The following CHN2 variants were observed in gnomAD, a reference collection of about 807,000 sequenced individuals.
CHN2 encodes chimerin 2, also known as beta-chimaerin.
A neutral mutation model predicts 56.3 loss-of-function variants in CHN2; 35 were observed. The ratio of observed to expected loss-of-function variants is 0.62; its 90% CI spans 0.47 to 0.82. CHN2 has a LOEUF of 0.82. Ranked by LOEUF, CHN2 falls within the 40% of genes least tolerant of loss-of-function variation. The pLI, the probability that CHN2 is intolerant of heterozygous loss-of-function variation, is 0.00. For synonymous variants in CHN2, 210 were observed against 212.8 expected, an observed-to-expected ratio of 0.99 and a Z score of 0.12; for missense variants, 491 against 580.5, an observed-to-expected ratio of 0.85 and a Z score of 1.58.
At chr7:29,424,814 C>A (rs1216655567) in intron 6 of CHN2, among the ~76,000 whole-genome samples, 1 of 152,190 alleles carries the variant, frequency 6.6e-6, no homozygotes, top group African/African-American at 2.4e-5. Flanking sequence ...CTTTGCAGTT[C>A]AGCACAGTCT....
chr7:29,506,163 G>A (rs184850616), intron 10 of CHN2, among the ~76,000 whole-genome samples: 1 of 152,270 alleles, frequency 6.6e-6, no homozygotes, highest in South Asian at 2.1e-4. Context: ...GTTAGAAATG[G>A]TAAGAAATAT....
intron 1 of CHN2, among the ~76,000 whole-genome samples, chr7:29,318,649 C>T (rs1481851850): frequency 2.0e-5 from 3 of 152,102 alleles, no homozygotes; most frequent in Non-Finnish European, 4.4e-5. Flanking sequence ...ACTTTTGCTG[C>T]AGTTATTTGA....
At chr7:29,496,736 T>C (rs1415351050) in intron 8 of CHN2, among the ~76,000 whole-genome samples, 2 of 152,232 alleles carry the variant, frequency 1.3e-5, no homozygotes. Context: ...TATACACCTA[T>C]TGCTAACAGC....
In CHN2 at chr7:29,400,575, TC is replaced by T; in HGVS notation, c.325del (p.His109ThrfsTer19). ...AACCAGACCTTAAACTACAGGCTCT[TC>T]CACGACGGGAAACACTTTGTGGGTG... ...FGNQTLNYRL[F>X]HDGKHFVGEK... On this transcript the variant is annotated frameshift_variant, in exon 6 of 13. Transcript: ENST00000222792. LOFTEE classifies it high-confidence loss of function. The T allele has an allele frequency of 6.2e-7, 1 of 1,614,208 alleles. No individual in the cohort carries two copies.
At chr7:29,396,361 G>T (rs1487679666) in intron 4 of CHN2, among the ~76,000 whole-genome samples, 1 of 150,812 alleles carries the variant, frequency 6.6e-6, no homozygotes, top group Non-Finnish European at 1.5e-5. Flanking sequence ...AGAGGCTGAG[G>T]CAGGAGCATT....
intron 6 of CHN2, among the ~76,000 whole-genome samples, chr7:29,450,434 G>A (rs1001218651): frequency 1.3e-5 from 2 of 152,188 alleles, no homozygotes; most frequent in African/African-American, 4.8e-5. Context: ...TTAAGGGAGA[G>A]GCAGAAGGAG....
At position 29,243,079 on chromosome 7, in the gene CHN2, GGTTA is replaced by G. The variant is rs368412108; in HGVS notation, c.49+48093_49+48096del. Among the ~76,000 whole-genome samples the G allele has an allele frequency of 1.3e-3, 199 of 151,998 alleles. 2 individuals carry two copies. Among genetic ancestry groups the G allele is most frequent in the East Asian group, 3.9e-3 (20 of 5,188 alleles). On this transcript the variant is annotated intron_variant, in intron 1 of 12. Coordinates refer to ENST00000222792, the MANE Select transcript of CHN2 (RefSeq NM_004067.4). ...CATATTTTGTGTTTTCTGTGAGCTG[GGTTA>G]GTTCTATTAGAAATCTATTTTAATC...
At chr7:29,280,250 G>C (rs988628490) in intron 1 of CHN2, among the ~76,000 whole-genome samples, 12 of 152,102 alleles carry the variant, frequency 7.9e-5, no homozygotes, top group African/African-American at 2.9e-4. Flanking sequence ...CGGGCGTGGT[G>C]GTGGGCGCCT....
intron 1 of CHN2, among the ~76,000 whole-genome samples, chr7:29,213,897 G>T (rs543764397): frequency 6.6e-6 from 1 of 151,192 alleles, no homozygotes; most frequent in South Asian, 2.1e-4. Context: ...TTAAAAAAAA[G>T]AATACTGCAT....
chr7:29,232,372 A>C (rs149541635), intron 1 of CHN2, among the ~76,000 whole-genome samples: 24 of 152,186 alleles, frequency 1.6e-4, no homozygotes, highest in African/African-American at 5.8e-4. Context: ...TCTTATTTTC[A>C]TCTTGTCAGA....
chr7:29,179,464 C>G lies in CHN2; in HGVS notation c.274+32504C>G, dbSNP rs181842446. Among the ~76,000 whole-genome samples the G allele has an allele frequency of 2.8e-4, 43 of 152,342 alleles. No homozygotes were observed. The East Asian group carries it at 6.8e-3, about 24-fold the overall frequency. ...AGTCTGAGAATTTTTTGACCACTCTCAGATGCTAGAAAATCCAGGAACCCA... is the reference window on the plus strand; with the variant it reads ...AGTCTGAGAATTTTTTGACCACTCTGAGATGCTAGAAAATCCAGGAACCCA... On this transcript the variant is annotated intron_variant, in intron 2 of 6. Coordinates refer to the CHN2 transcript ENST00000439384.
chr7:29,304,277 A>G (rs1793960541), intron 1 of CHN2, among the ~76,000 whole-genome samples: 1 of 152,182 alleles, frequency 6.6e-6, no homozygotes, highest in Admixed American at 6.5e-5. Flanking sequence ...CAATTTGCAG[A>G]TTGCTGAAGC....
chr7:29,332,445 G>A (rs1307193315), intron 1 of CHN2, among the ~76,000 whole-genome samples: 2 of 152,136 alleles, frequency 1.3e-5, no homozygotes, highest in African/African-American at 2.4e-5. Context: ...ATGCAAAAGC[G>A]GAATGCATTC....
chr7:29,444,163 C>G (rs1355185550), intron 6 of CHN2, among the ~76,000 whole-genome samples: 2 of 152,136 alleles, frequency 1.3e-5, no homozygotes, highest in African/African-American at 4.8e-5. Context: ...AATGGATTAA[C>G]AGTGTAAATA....
Position 29,165,927 on chromosome 7 carries a change from A to G in CHN2, c.274+18967A>G, listed in dbSNP as rs1795847169. 2.6e-5 allele frequency among the ~76,000 whole-genome samples: 4 copies of G among 152,204 alleles called. No individual in the cohort carries two copies. In the South Asian group the frequency reaches 6.2e-4, roughly 24 times the overall value. Reference sequence around the variant, plus strand: ...AAATTTATAAACAGTGTTTGTCACTATGTTCACAGGGGACATGATTTGTAG... The same window carrying G: ...AAATTTATAAACAGTGTTTGTCACTGTGTTCACAGGGGACATGATTTGTAG... On this transcript the variant is annotated intron_variant, in intron 2 of 6. Transcript: ENST00000439384.
intron 6 of CHN2, among the ~76,000 whole-genome samples, chr7:29,458,100 A>T (rs1030639408): frequency 2.0e-5 from 3 of 152,174 alleles, no homozygotes; most frequent in African/African-American, 7.2e-5. Flanking sequence ...CTGTTATTGT[A>T]TGTCACAAAA....
chr7:29,447,580 C>G (rs561077633), intron 6 of CHN2, among the ~76,000 whole-genome samples: 1 of 152,014 alleles, frequency 6.6e-6, no homozygotes, highest in African/African-American at 2.4e-5. Flanking sequence ...ACCCAGAGAT[C>G]CAAGAATCTT....
chr7:29,403,668 C>T (rs1369800582), intron 6 of CHN2, among the ~76,000 whole-genome samples: 1 of 146,434 alleles, frequency 6.8e-6, no homozygotes, highest in Non-Finnish European at 1.5e-5. Context: ...GGGAGGAAGG[C>T]AGAAAAAAAA....
In CHN2 at chr7:29,509,106, T is replaced by A. The variant is rs2287043; in HGVS notation, c.1130-195T>A. On this transcript the variant is annotated intron_variant, in intron 11 of 12. Coordinates refer to ENST00000222792, the MANE Select transcript of CHN2 (RefSeq NM_004067.4). ...CCACCCAGAGGACATTCAATAAGCA[T>A]GTGGTGCTCAGCCTCAAACTCTTTC... Among the ~76,000 whole-genome samples the A allele has an allele frequency of 9.2e-5, 14 of 152,290 alleles. No homozygotes were observed. The East Asian group carries it at 2.7e-3, about 29-fold the overall frequency.
Sources: allele counts gnomAD v4.1 joint callset (sites outside exome capture counted in the v4.1 genomes callset), GRCh38; gene constraint gnomAD v4.1.1; transcripts MANE v1.5; gene names NCBI Gene and HGNC (gene_info 2026-07-23, HGNC 2026-07-21).